The following EXT2 variants were observed in gnomAD, a reference collection of about 807,000 sequenced individuals.
EXT2 encodes exostosin-2.
In EXT2, 53 loss-of-function variants were observed where a neutral mutation model predicts 81.6. The ratio of observed to expected loss-of-function variants is 0.65; its 90% CI spans 0.52 to 0.82. The LOEUF is 0.82. Among genes scored for constraint, EXT2 ranks in the 40% least tolerant of loss-of-function variants. EXT2 has a pLI of 0.00. For missense variants in EXT2, 774 were observed against 910.2 expected (o/e 0.85, Z 1.93); for synonymous variants, 320 against 340.0 (o/e 0.94, Z 0.65).
chr11:44,150,104 A>G (rs1954773172), intron 7 of EXT2, among the ~76,000 whole-genome samples: 1 of 152,158 alleles, frequency 6.6e-6, no homozygotes, highest in Non-Finnish European at 1.5e-5. Context: ...ATGGGATTAA[A>G]CTGGAGGAGG....
intron 7 of EXT2, among the ~76,000 whole-genome samples, chr11:44,164,234 C>T (rs1348083144): frequency 1.3e-5 from 2 of 152,046 alleles, no homozygotes; most frequent in African/African-American, 4.8e-5. Context: ...CCAAAAATTC[C>T]CATATGTTCC....
intron 11 of EXT2, among the ~76,000 whole-genome samples, chr11:44,232,957 G>A (rs866692266): frequency 2.6e-5 from 4 of 152,016 alleles, no homozygotes; most frequent in South Asian, 4.1e-4. Flanking sequence ...TTTTGCTATC[G>A]TGGATATTAC....
chr11:44,227,114 T>C (rs1955845935), intron 10 of EXT2, among the ~76,000 whole-genome samples: 1 of 152,110 alleles, frequency 6.6e-6, no homozygotes, highest in South Asian at 2.1e-4. Flanking sequence ...ATTTCATAAC[T>C]GAACGTCCCA....
intron 1 of EXT2, among the ~76,000 whole-genome samples, chr11:44,099,946 G>A (rs750070149): frequency 4.6e-5 from 7 of 152,090 alleles, no homozygotes; most frequent in Non-Finnish European, 7.4e-5. Context: ...GTGGGAGTTC[G>A]CTTAGCTTGT....
chr11:44,192,013 G>T (rs915218154), intron 8 of EXT2, among the ~76,000 whole-genome samples: 1 of 152,166 alleles, frequency 6.6e-6, no homozygotes, highest in African/African-American at 2.4e-5. Flanking sequence ...AAACGAAAAA[G>T]CTAGCTGTGT....
intron 6 of EXT2, 127 bp from the exon 7 acceptor site, chr11:44,129,918 G>A (rs945702317): frequency 4.8e-5 from 36 of 751,102 alleles, no homozygotes; most frequent in Admixed American, 3.9e-5. Flanking sequence ...AATACTTACC[G>A]GAAGGGATGT....
rs7122149 is a variant in EXT2, at chr11:44,250,972, A to G, written c.*6685A>G. Among the ~76,000 whole-genome samples the G allele has an allele frequency of 0.26, 39,925 of 152,112 alleles. 5,779 individuals are homozygous for G. Among genetic ancestry groups the G allele is most frequent in the Non-Finnish European group, 0.33 (22,325 of 67,960 alleles). On this transcript the variant is annotated 3_prime_UTR_variant, in exon 14 of 14. Coordinates refer to ENST00000533608, the MANE Select transcript of EXT2 (RefSeq NM_207122.2). ...GGCAGCACCTCCTATAGGATTTCCA[A>G]TAGTCTTTCTCTAGTAGATCATTGG...
intron 13 of EXT2, among the ~76,000 whole-genome samples, chr11:44,241,330 G>A (rs1406775675): frequency 2.0e-5 from 3 of 152,150 alleles, no homozygotes; most frequent in Non-Finnish European, 4.4e-5. Context: ...CAAATGATGA[G>A]TTTGCCACAC....
chr11:44,209,616 AT>A (rs921289825), intron 10 of EXT2, among the ~76,000 whole-genome samples: 1 of 152,154 alleles, frequency 6.6e-6, no homozygotes, highest in Non-Finnish European at 1.5e-5. Context: ...ATAAGTAAAT[AT>A]TTGCATCCTA....
intron 9 of EXT2, among the ~76,000 whole-genome samples, chr11:44,199,328 T>C (rs1452893878): frequency 6.6e-6 from 1 of 152,248 alleles, no homozygotes; most frequent in Non-Finnish European, 1.5e-5. Flanking sequence ...AGGAAATTGT[T>C]GACTTGGATT....
At chr11:44,098,235 A>C (rs1219047488) in intron 1 of EXT2, among the ~76,000 whole-genome samples, 1 of 151,954 alleles carries the variant, frequency 6.6e-6, no homozygotes, top group Non-Finnish European at 1.5e-5. Flanking sequence ...GATGGTTTGG[A>C]GATACTCCAT....
intron 7 of EXT2, among the ~76,000 whole-genome samples, chr11:44,158,008 A>C (rs1954879566): frequency 3.9e-5 from 6 of 152,198 alleles, no homozygotes; most frequent in Admixed American, 3.9e-4. Context: ...TGTGTCTAGA[A>C]CTAGGGCCTG....
chr11:44,169,392 A>G (rs533444817), intron 7 of EXT2, among the ~76,000 whole-genome samples: 5 of 152,242 alleles, frequency 3.3e-5, no homozygotes, highest in African/African-American at 1.2e-4. Context: ...AATGATGTTT[A>G]CTGTAGTTGC....
intron 4 of EXT2, among the ~76,000 whole-genome samples, chr11:44,114,547 T>G (rs2134986489): frequency 6.6e-6 from 1 of 152,300 alleles, no homozygotes. Flanking sequence ...TATCCTTAAC[T>G]CCGTTCTCTC....
At chr11:44,211,941 CAG>C (rs1955653005) in intron 10 of EXT2, among the ~76,000 whole-genome samples, 1 of 151,986 alleles carries the variant, frequency 6.6e-6, no homozygotes, top group Non-Finnish European at 1.5e-5. Context: ...TAGGATTAAA[CAG>C]AGGGGGAAAG....
At chr11:44,181,567 G>A (rs547487709) in intron 8 of EXT2, among the ~76,000 whole-genome samples, 1 of 151,666 alleles carries the variant, frequency 6.6e-6, no homozygotes, top group East Asian at 1.9e-4. Context: ...TAATTTTTTG[G>A]ATATTTTCTC....
At chr11:44,111,681 A>G (rs186736196) in intron 3 of EXT2, among the ~76,000 whole-genome samples, 9 of 152,312 alleles carry the variant, frequency 5.9e-5, no homozygotes, top group African/African-American at 2.2e-4. Context: ...AAGCGAGACT[A>G]GTACAGTGAA....
At chr11:44,103,799 G>A (rs7126566) in intron 1 of EXT2, 16,698 of 297,700 alleles carry the variant, frequency 0.056, 540 homozygotes, top group East Asian at 0.12. Context: ...CAAATGTACT[G>A]GCATAAATTC....
chr11:44,234,264 C>T (rs747034582), intron 12 of EXT2, 21 bp downstream of exon 12: 4 of 1,612,138 alleles, frequency 2.5e-6, no homozygotes. Context: ...CTGCCACTCA[C>T]TTGCTTTGTG....
Sources: gnomAD v4.1 joint callset for allele counts (sites outside exome capture counted in the v4.1 genomes callset) on GRCh38, gnomAD v4.1.1 for gene constraint, MANE v1.5 for transcripts, NCBI Gene and HGNC (gene_info 2026-07-23, HGNC 2026-07-21) for gene names.